The following SNX30 variants were observed in gnomAD, a reference collection of about 807,000 sequenced individuals.
The protein encoded by SNX30 is sorting nexin family member 30.
In SNX30, 24 loss-of-function variants were observed where a neutral mutation model predicts 46.4. The observed-to-expected ratio is 0.52, with a 90% confidence interval of 0.37 to 0.73. SNX30 has a LOEUF of 0.73. Among genes scored for constraint, SNX30 ranks in the 30% least tolerant of loss-of-function variants. The probability of loss-of-function intolerance (pLI) is 0.00; values close to 1 mark genes in which losing one functional copy is unlikely to be tolerated. For synonymous variants in SNX30, 189 were observed against 211.5 expected, an observed-to-expected ratio of 0.89 and a Z score of 0.92; for missense variants, 533 against 555.7, an observed-to-expected ratio of 0.96 and a Z score of 0.41.
intron 6 of SNX30, among the ~76,000 whole-genome samples, chr9:112,842,823 A>G (rs1382562921): frequency 6.6e-6 from 1 of 152,240 alleles, no homozygotes; most frequent in African/African-American, 2.4e-5. Flanking sequence ...CAAATGGAAC[A>G]ATGTGAGTTT....
downstream of SNX30, among the ~76,000 whole-genome samples, chr9:112,884,981 C>A (rs1410641668): frequency 6.6e-6 from 1 of 152,114 alleles, no homozygotes; most frequent in African/African-American, 2.4e-5. Flanking sequence ...AAAATCCAAC[C>A]CATTCAGCCA....
chr9:112,822,484 A>G (rs1443706504), intron 3 of SNX30, among the ~76,000 whole-genome samples: 3 of 152,008 alleles, frequency 2.0e-5, no homozygotes, highest in Admixed American at 6.6e-5. Context: ...CAATCAAGGT[A>G]ATAAACAGAT....
At chr9:112,770,867 G>C (rs1364560586) in intron 1 of SNX30, among the ~76,000 whole-genome samples, 1 of 152,108 alleles carries the variant, frequency 6.6e-6, no homozygotes, top group Non-Finnish European at 1.5e-5. Flanking sequence ...GTGGTGGCGC[G>C]TGCCTGTAGT....
downstream of SNX30, among the ~76,000 whole-genome samples, chr9:112,883,197 C>A (rs559826096): frequency 6.6e-6 from 1 of 152,190 alleles, no homozygotes; most frequent in African/African-American, 2.4e-5. Context: ...TGAGACAGCA[C>A]GTGCAGACCT....
At chr9:112,860,389 T>G (rs577640212) in intron 7 of SNX30, among the ~76,000 whole-genome samples, 1 of 152,356 alleles carries the variant, frequency 6.6e-6, no homozygotes, top group South Asian at 2.1e-4. Context: ...GAGGCATCAC[T>G]CTTCCCCTGG....
intron 3 of SNX30, among the ~76,000 whole-genome samples, chr9:112,825,066 G>C (rs1004044138): frequency 2.6e-5 from 4 of 152,156 alleles, no homozygotes; most frequent in African/African-American, 9.7e-5. Context: ...CTAAGATTTT[G>C]TTTGAGCACT....
intron 3 of SNX30, among the ~76,000 whole-genome samples, chr9:112,824,782 A>ACATC (rs1300582801): frequency 1.3e-5 from 2 of 152,026 alleles, no homozygotes; most frequent in Non-Finnish European, 2.9e-5. Flanking sequence ...TTCCACCATC[A>ACATC]CATCTCCTTT....
At chr9:112,856,424 G>A (rs1398299390) in intron 7 of SNX30, among the ~76,000 whole-genome samples, 2 of 148,958 alleles carry the variant, frequency 1.3e-5, no homozygotes, top group African/African-American at 5.0e-5. Context: ...TGTGGGGTAT[G>A]TAGTGTGTGG....
downstream of SNX30, chr9:112,878,173 C>CT (rs1029603408): frequency 6.6e-6 from 1 of 152,248 alleles, no homozygotes; most frequent in Non-Finnish European, 1.5e-5. Context: ...TGTGTTCCTG[C>CT]TTAACACCTT....
At chr9:112,817,406 T>TTTTTTTTTTTTTTTTTTTTTTG (rs1840416746) in intron 2 of SNX30, among the ~76,000 whole-genome samples, 1 of 58,734 alleles carries the variant, frequency 1.7e-5, no homozygotes, top group African/African-American at 5.3e-5. Context: ...ACTGGCTTTT[T>TTTTTTTTTTTTTTTTTTTTTTG]TTTTTTTTTT....
chr9:112,884,448 G>A (rs1157080453), downstream of SNX30, among the ~76,000 whole-genome samples: 1 of 152,158 alleles, frequency 6.6e-6, no homozygotes, highest in African/African-American at 2.4e-5. Flanking sequence ...TCAGGATCTC[G>A]TTTCTTTAGT....
intron 2 of SNX30, among the ~76,000 whole-genome samples, chr9:112,817,383 GAAA>G (rs67091600): frequency 4.3e-5 from 4 of 93,028 alleles, no homozygotes; most frequent in Non-Finnish European, 7.6e-5. Context: ...TGACGGTAGG[GAAA>G]AAAAAAAAAA....
rs547981786 is a variant in SNX30, at chr9:112,861,058, G to T, written c.1102-3189G>T. On this transcript the variant is annotated intron_variant, in intron 7 of 8. Coordinates refer to ENST00000374232, the MANE Select transcript of SNX30 (RefSeq NM_001012994.2). ...TTGCAAGAGTGCAACAGGCAGATCA[G>T]CAGGAAGGGAGCTGACTGCCCAGAA... 5.3e-5 allele frequency among the ~76,000 whole-genome samples: 8 copies of T among 152,336 alleles called. No individual in the cohort carries two copies. The East Asian group carries it at 1.4e-3, about 26-fold the overall frequency.
intron 8 of SNX30, among the ~76,000 whole-genome samples, chr9:112,865,033 CCA>C (rs1272403140): frequency 6.6e-6 from 1 of 150,812 alleles, no homozygotes; most frequent in Non-Finnish European, 1.5e-5. Context: ...CCACCACACC[CCA>C]CACACACACT....
chr9:112,851,321 G>A (rs1011135119), intron 7 of SNX30, among the ~76,000 whole-genome samples: 1 of 152,200 alleles, frequency 6.6e-6, no homozygotes, highest in African/African-American at 2.4e-5. Flanking sequence ...AAGTATAGAA[G>A]CACTTGGAAA....
In SNX30 at chr9:112,750,915, G is replaced by T. The variant is rs1839262584; in HGVS notation, c.-87G>T. On this transcript the variant is annotated 5_prime_UTR_variant, in exon 1 of 9. Coordinates refer to ENST00000374232, the MANE Select transcript of SNX30 (RefSeq NM_001012994.2). The stretch of plus-strand genomic sequence containing the variant: ...AGGCCTCGGGTTAAGCGGCGGCCGA[G>T]CGGGGCTCGGCCCGGGGTGCTCGGG... The T allele has an allele frequency of 8.9e-7, 1 of 1,127,404 alleles. No individual in the cohort carries two copies. Among genetic ancestry groups the T allele is most frequent in the Non-Finnish European group, 1.1e-6 (1 of 919,910 alleles). 69.8% of individuals were successfully genotyped at this position (1,127,404 alleles called of 1,614,324 possible). A position where few individuals can be genotyped will look rare whatever the true frequency, so the allele number is the denominator to read the frequency against.
chr9:112,751,885 C>A (rs906430764), intron 1 of SNX30, among the ~76,000 whole-genome samples: 1 of 152,152 alleles, frequency 6.6e-6, no homozygotes, highest in Non-Finnish European at 1.5e-5. Context: ...AACCCTCCTG[C>A]TGCTTGGAGA....
Position 112,855,620 on chromosome 9 carries a change from G to A in SNX30, c.1101+4675G>A, listed in dbSNP as rs564149905. On this transcript the variant is annotated intron_variant, in intron 7 of 8. Coordinates refer to ENST00000374232, the MANE Select transcript of SNX30 (RefSeq NM_001012994.2). ...AGGACGTCTTGTGGGGAAAGAGCAC[G>A]TGCTGAGGGCAGAGGATGCGGAGGC... 1.1e-4 allele frequency among the ~76,000 whole-genome samples: 17 copies of A among 152,246 alleles called. No individual in the cohort carries two copies. The East Asian group carries it at 2.3e-3, about 21-fold the overall frequency.
chr9:112,839,518 C>T (rs573183443), intron 6 of SNX30, among the ~76,000 whole-genome samples: 3 of 152,264 alleles, frequency 2.0e-5, no homozygotes, highest in South Asian at 2.1e-4. Context: ...TATGCAGAAT[C>T]GGAGTAGAGT....
Sources: allele counts gnomAD v4.1 joint callset (sites outside exome capture counted in the v4.1 genomes callset), GRCh38; gene constraint gnomAD v4.1.1; transcripts MANE v1.5; gene names NCBI Gene and HGNC (gene_info 2026-07-23, HGNC 2026-07-21).